The following MAP4K5 variants were observed in gnomAD, a reference collection of about 807,000 sequenced individuals.
The protein encoded by MAP4K5 is mitogen-activated protein kinase kinase kinase kinase 5, also known as MAPK/ERK kinase kinase kinase 5.
In MAP4K5, 82 loss-of-function variants were observed where a neutral mutation model predicts 135.6. The ratio of observed to expected loss-of-function variants is 0.60; its 90% CI spans 0.51 to 0.73. MAP4K5 has a LOEUF of 0.73. Among genes scored for constraint, MAP4K5 ranks in the 30% least tolerant of loss-of-function variants. The pLI is 0.00. For missense variants in MAP4K5, 907 were observed against 1,010.9 expected (o/e 0.90, Z 1.39); for synonymous variants, 347 against 335.0 (o/e 1.04, Z -0.39).
chr14:50,525,093 T>C (rs184358842), intron 2 of MAP4K5, among the ~76,000 whole-genome samples: 10 of 152,266 alleles, frequency 6.6e-5, no homozygotes, highest in African/African-American at 2.2e-4. Context: ...TGACCTCACC[T>C]ATATTTCACA....
At chr14:50,442,549 C>G (rs1264402967) in intron 21 of MAP4K5, among the ~76,000 whole-genome samples, 183 bp downstream of exon 21, 1 of 152,088 alleles carries the variant, frequency 6.6e-6, no homozygotes, top group Non-Finnish European at 1.5e-5. Flanking sequence ...CTCCTATACA[C>G]TCCTAAATTT....
At chr14:50,480,006 A>G (rs901661833) in intron 6 of MAP4K5, among the ~76,000 whole-genome samples, 1 of 151,194 alleles carries the variant, frequency 6.6e-6, no homozygotes, top group Non-Finnish European at 1.5e-5. Context: ...ACTGTTTCAT[A>G]TATTTTGCCT....
At chr14:50,457,278 C>G (rs2139784017) in intron 13 of MAP4K5, among the ~76,000 whole-genome samples, 1 of 152,162 alleles carries the variant, frequency 6.6e-6, no homozygotes, top group Admixed American at 6.5e-5. Flanking sequence ...GACTTTACAG[C>G]AAGGAAGTGG....
intron 21 of MAP4K5, among the ~76,000 whole-genome samples, chr14:50,441,811 CT>C (rs1375863711): frequency 6.6e-6 from 1 of 150,780 alleles, no homozygotes; most frequent in East Asian, 2.0e-4. Flanking sequence ...TATATACCCC[CT>C]CTGTCATACT....
At chr14:50,458,662 T>G (rs1396839440) in intron 13 of MAP4K5, among the ~76,000 whole-genome samples, 1 of 152,202 alleles carries the variant, frequency 6.6e-6, no homozygotes, top group East Asian at 1.9e-4. Flanking sequence ...ACTTGATCCT[T>G]AAATTTTGGG....
intron 25 of MAP4K5, 47 bp downstream of exon 25, chr14:50,437,847 A>T (rs775664681): frequency 1.2e-5 from 14 of 1,175,026 alleles, no homozygotes; most frequent in Middle Eastern, 2.0e-4. Context: ...TTTTTAAAAT[A>T]AACACTAATT....
At chr14:50,514,173 G>C (rs957712965) in intron 2 of MAP4K5, among the ~76,000 whole-genome samples, 6 of 152,044 alleles carry the variant, frequency 3.9e-5, no homozygotes, top group Admixed American at 3.9e-4. Context: ...CACCTCCCAG[G>C]CTCAAGCAAT....
intron 5 of MAP4K5, among the ~76,000 whole-genome samples, chr14:50,484,372 ATAAT>A (rs1185719422): frequency 6.6e-6 from 1 of 152,206 alleles, no homozygotes; most frequent in Admixed American, 6.5e-5. Flanking sequence ...TTTAAAATTG[ATAAT>A]TAAGTACTAT....
At chr14:50,481,704 C>T (rs2037246968) in intron 6 of MAP4K5, among the ~76,000 whole-genome samples, 1 of 152,038 alleles carries the variant, frequency 6.6e-6, no homozygotes, top group African/African-American at 2.4e-5. Context: ...GGGAGAAATA[C>T]CACATACTCT....
At chr14:50,458,902 G>A (rs2036649591) in intron 13 of MAP4K5, among the ~76,000 whole-genome samples, 1 of 152,106 alleles carries the variant, frequency 6.6e-6, no homozygotes, top group Non-Finnish European at 1.5e-5. Flanking sequence ...TTGACCTCTT[G>A]CATTAAAGTG....
At chr14:50,425,749 A>C (rs2035831163) in intron 31 of MAP4K5, among the ~76,000 whole-genome samples, 158 bp downstream of exon 31, 1 of 152,226 alleles carries the variant, frequency 6.6e-6, no homozygotes, top group African/African-American at 2.4e-5. Flanking sequence ...AAGTGAACAT[A>C]GTTGAAGGGA....
chr14:50,540,184 T>A (rs1021897823), intron 2 of MAP4K5, among the ~76,000 whole-genome samples: 7 of 152,200 alleles, frequency 4.6e-5, no homozygotes, highest in African/African-American at 1.7e-4. Flanking sequence ...TATAATAACC[T>A]TCAGGAAGAA....
At chr14:50,540,192 G>T (rs536940747) in intron 2 of MAP4K5, among the ~76,000 whole-genome samples, 8 of 152,330 alleles carry the variant, frequency 5.3e-5, no homozygotes, top group African/African-American at 1.9e-4. Context: ...CCTTCAGGAA[G>T]AAGTGAAATC....
intron 8 of MAP4K5, 35 bp from the exon 9 acceptor site, chr14:50,475,184 T>C (rs767598774): frequency 6.7e-7 from 1 of 1,485,514 alleles, no homozygotes; most frequent in Non-Finnish European, 9.4e-7. Context: ...TTTAGTTCTT[T>C]ACAATACACC....
In MAP4K5 at chr14:50,434,436, T is replaced by C. The variant is rs748058609; in HGVS notation, c.2122A>G (p.Asn708Asp). The C allele has an allele frequency of 3.1e-6, 5 of 1,610,230 alleles. No individual in the cohort carries two copies. The highest frequency in any genetic ancestry group is 1.7e-4 in the Middle Eastern group (1 of 6,046). ...AACCATGAAGATGCAGAGTTCAAAT[T>C]GATTGTCTCAAACTGAACTACCTGA... ...SNQVVQFETINLNSASSWFTE... is the reference protein window; with the variant it reads ...SNQVVQFETIDLNSASSWFTE... Residue 708 changes from asparagine to aspartate, a missense_variant, in exon 28 of 33, where the codon AAT (asparagine) becomes GAT (aspartate). This residue lies in a region of MAP4K5 where 690 missense variants were observed against 777.4 expected (regional missense o/e 0.89). Coordinates refer to ENST00000682126, the MANE Select transcript of MAP4K5 (RefSeq NM_006575.6).
chr14:50,441,787 CACACACACACAT>C (rs1240400924), intron 21 of MAP4K5, among the ~76,000 whole-genome samples: 106 of 82,058 alleles, frequency 1.3e-3, no homozygotes, highest in South Asian at 2.7e-3. Flanking sequence ...CACACACACA[CACACACACACAT>C]ATATATACCC....
intron 14 of MAP4K5, among the ~76,000 whole-genome samples, chr14:50,453,249 A>G (rs891123634): frequency 2.0e-5 from 3 of 151,792 alleles, no homozygotes; most frequent in Admixed American, 6.6e-5. Flanking sequence ...CTCAACCACC[A>G]ATACACTCTT....
chr14:50,429,069 A>C, intron 29 of MAP4K5, 123 bp downstream of exon 29: 1 of 644,702 alleles, frequency 1.6e-6, no homozygotes, highest in Non-Finnish European at 2.6e-6. Flanking sequence ...TTCGCTTACA[A>C]ATTACACATG....
At chr14:50,556,148 T>A (rs1595576579) in intron 1 of MAP4K5, among the ~76,000 whole-genome samples, 1 of 152,238 alleles carries the variant, frequency 6.6e-6, no homozygotes. Context: ...TTTGACTTTT[T>A]AAAAACATTT....
Sources: allele counts gnomAD v4.1 joint callset (sites outside exome capture counted in the v4.1 genomes callset), GRCh38; gene constraint gnomAD v4.1.1; regional missense constraint gnomAD v4.1.1; transcripts MANE v1.5; gene names NCBI Gene and HGNC (gene_info 2026-07-23, HGNC 2026-07-21).